The following RLBP1 variants were observed in gnomAD, a reference collection of about 807,000 sequenced individuals.
The protein encoded by RLBP1 is retinaldehyde-binding protein 1.
A neutral mutation model predicts 36.2 loss-of-function variants in RLBP1; 26 were observed. The ratio of observed to expected loss-of-function variants is 0.72; its 90% CI spans 0.53 to 1.00. RLBP1 has a LOEUF of 1.00. Ranked by LOEUF, RLBP1 falls within the 50% of genes least tolerant of loss-of-function variation. The pLI, the probability that RLBP1 is intolerant of heterozygous loss-of-function variation, is 0.00. For synonymous variants in RLBP1, 155 were observed against 156.2 expected, an observed-to-expected ratio of 0.99 and a Z score of 0.06; for missense variants, 410 against 402.4, an observed-to-expected ratio of 1.02 and a Z score of -0.16.
intron 4 of RLBP1, among the ~76,000 whole-genome samples, chr15:89,217,598 CCTG>C (rs1322940452): frequency 6.6e-6 from 1 of 152,250 alleles, no homozygotes; most frequent in Non-Finnish European, 1.5e-5. Flanking sequence ...TGCCTAGCAA[CCTG>C]CTAAGTCCTT....
In RLBP1 at chr15:89,218,148, A is replaced by C. The variant is rs1008929000; in HGVS notation, c.141+417T>G. ...TCCACCAACCGTCTTTCATAGATAC[A>C]GAAGGCAAGACCCAGAGATGGAAAG... On this transcript the variant is annotated intron_variant, in intron 4 of 8. Transcript: ENST00000268125. This position sits in a 1 kb window ranked among gnomAD's most constrained non-coding sequence, Gnocchi z 4.6. Among the ~76,000 whole-genome samples, 14 of 152,194 alleles carry C rather than the reference A, an allele frequency of 9.2e-5. No homozygotes were observed. The highest frequency in any genetic ancestry group is 3.4e-4 in the African/African-American group (14 of 41,444).
chr15:89,213,305 G>C (rs1424637676), intron 6 of RLBP1, among the ~76,000 whole-genome samples: 1 of 151,520 alleles, frequency 6.6e-6, no homozygotes, highest in Non-Finnish European at 1.5e-5. Flanking sequence ...GGCATAAGAA[G>C]TGGAAAGGGA....
At position 89,217,112 on chromosome 15, in the gene RLBP1, G is replaced by A; in HGVS notation, c.346+8C>T. On this transcript the variant is annotated splice_region_variant and intron_variant, in intron 5 of 8. Coordinates refer to ENST00000268125, the MANE Select transcript of RLBP1 (RefSeq NM_000326.5). ...TCCCAGGGCCGTCCCTCCAAGCACT[G>A]GCCTCACCTCTGAGCAGCTCATAGG... 6.3e-7 allele frequency: 1 copy of A among 1,576,868 alleles called. No individual in the cohort carries two copies. Among genetic ancestry groups the A allele is most frequent in the Non-Finnish European group, 8.7e-7 (1 of 1,148,804 alleles).
Position 89,221,516 on chromosome 15 carries a change from G to GC in RLBP1, c.-224+18dup, listed in dbSNP as rs1214084370. 1 of 152,202 alleles carries GC rather than the reference G, an allele frequency of 6.6e-6. No homozygotes were observed. Among genetic ancestry groups the GC allele is most frequent in the Non-Finnish European group, 1.5e-5 (1 of 68,060 alleles). 9.4% of individuals were successfully genotyped at this position (152,202 alleles called of 1,614,324 possible). A position where few individuals can be genotyped will look rare whatever the true frequency, so the allele number is the denominator to read the frequency against. On this transcript the variant is annotated intron_variant, in intron 1 of 8. Coordinates refer to ENST00000268125, the MANE Select transcript of RLBP1 (RefSeq NM_000326.5). ...GTCCTGGGCTCCCTGGCCCAGGCAA[G>GC]CCCCAGGTATTGACTTACCTGCCAG... is the stretch of plus-strand genomic sequence containing the variant.
chr15:89,213,701 A>G (rs535475021), intron 6 of RLBP1, among the ~76,000 whole-genome samples: 11 of 152,338 alleles, frequency 7.2e-5, no homozygotes, highest in African/African-American at 2.6e-4. Flanking sequence ...CTGAAAACTC[A>G]AAAGTAGGCT....
Position 89,211,803 on chromosome 15 carries a change from G to A in RLBP1, c.624C>T (p.Thr208=), listed in dbSNP as rs1319070912. ...TCCGGAGACTAGCAGCCTGCTGCAT[G>A]GTAAAGCCCTTGAAGTTCTCAATGA... ...FCIIENFKGF[T]MQQAASLRTS... is the part of the protein sequence containing the mutation. The change falls in exon 7 of 9, where the codon ACC becomes ACT. Residue 208 remains threonine (T), a synonymous_variant. Transcript: ENST00000268125. The surrounding 1 kb of genome is among the most constrained non-coding windows in gnomAD (Gnocchi z 5.8). 3 of 1,614,076 alleles carry A rather than the reference G, an allele frequency of 1.9e-6. No individual in the cohort carries two copies. The highest frequency in any genetic ancestry group is 1.7e-6 in the Non-Finnish European group (2 of 1,180,034).
In RLBP1 at chr15:89,210,496, G is replaced by A; in HGVS notation, c.796-53C>T. Reference sequence around the variant, plus strand: ...GAGCAGGAGGAGGTGCCCTAAGGATGAGGGTTGAGGGAGGAAAGGGGCAGG... The same window carrying A: ...GAGCAGGAGGAGGTGCCCTAAGGATAAGGGTTGAGGGAGGAAAGGGGCAGG... On this transcript the variant is annotated intron_variant, in intron 8 of 8. Transcript: ENST00000268125. This position sits in a 1 kb window ranked among gnomAD's most constrained non-coding sequence, Gnocchi z 4.7. 1 of 1,597,606 alleles carries A rather than the reference G, an allele frequency of 6.3e-7. No homozygotes were observed. The highest frequency in any genetic ancestry group is 8.6e-7 in the Non-Finnish European group (1 of 1,165,642).
In RLBP1 at chr15:89,216,323, TTC is replaced by T. The variant is rs1285673954; in HGVS notation, c.346+795_346+796del. 9.9e-4 allele frequency among the ~76,000 whole-genome samples: 150 copies of T among 150,808 alleles called. 1 individual carries two copies. Among genetic ancestry groups the T allele is most frequent in the Non-Finnish European group, 1.8e-3 (124 of 67,282 alleles). On this transcript the variant is annotated intron_variant, in intron 5 of 8. Transcript: ENST00000268125. Reference sequence around the variant, plus strand: ...TGAGGGAACCACCCCCTTTTTTTTTTTCTTTCTTTCTTTTTTGAGATAGAGTT... The same window carrying T: ...TGAGGGAACCACCCCCTTTTTTTTTTTTTCTTTCTTTTTTGAGATAGAGTT...
chr15:89,218,870 A>T lies in RLBP1; in HGVS notation c.12+94T>A. 7 of 1,531,780 alleles carry T rather than the reference A, an allele frequency of 4.6e-6. No homozygotes were observed. Among genetic ancestry groups the T allele is most frequent in the Non-Finnish European group, 6.3e-6 (7 of 1,111,590 alleles). 94.9% of individuals were successfully genotyped at this position (1,531,780 alleles called of 1,614,324 possible). A position where few individuals can be genotyped will look rare whatever the true frequency, so the allele number is the denominator to read the frequency against. ...AGTGTGTGCCTATATTCCCGGGCAG[A>T]GCATAAGATAGAGAAGTAAGGAGGG... On this transcript the variant is annotated intron_variant, in intron 3 of 8. Transcript: ENST00000268125. The surrounding 1 kb of genome is among the most constrained non-coding windows in gnomAD (Gnocchi z 4.6).
In RLBP1 at chr15:89,218,618, G is replaced by A. The variant is rs1362870883; in HGVS notation, c.88C>T (p.His30Tyr). ...AQLEQLTTKD[H>Y]GPVFGPCSQL... ...CTGCACGGGCCAAAGACAGGTCCAT[G>A]GTCCTTGGTTGTGAGCTGCTCCAGT... Residue 30 changes from histidine (H) to tyrosine (Y), a missense_variant, in exon 4 of 9, where the codon CAT becomes TAT. By Grantham distance (83) the His-to-Tyr change is moderately conservative. Coordinates refer to ENST00000268125, the MANE Select transcript of RLBP1 (RefSeq NM_000326.5). This position sits in a 1 kb window ranked among gnomAD's most constrained non-coding sequence, Gnocchi z 4.6. 6.2e-7 allele frequency: 1 copy of A among 1,614,228 alleles called. No individual in the cohort carries two copies. The highest frequency in any genetic ancestry group is 8.5e-7 in the Non-Finnish European group (1 of 1,180,034).
In RLBP1 at chr15:89,217,172, G is replaced by A; in HGVS notation, c.294C>T (p.Arg98=). Residue 98 remains arginine, a synonymous_variant, in exon 5 of 9, where the codon CGC becomes CGT. Transcript: ENST00000268125. ...VQEKDSGFFL[R]FIRARKFNVG... ...CGTTGAACTTCCGTGCGCGGATGAA[G>A]CGCAGGAAGAAGCCGCTGTCCTTCT... The A allele has an allele frequency of 6.2e-7, 1 of 1,614,096 alleles. No individual in the cohort carries two copies. The highest frequency in any genetic ancestry group is 8.5e-7 in the Non-Finnish European group (1 of 1,180,040).
chr15:89,220,343 A>C (rs2051616256), intron 1 of RLBP1, among the ~76,000 whole-genome samples: 1 of 152,228 alleles, frequency 6.6e-6, no homozygotes, highest in Non-Finnish European at 1.5e-5. Context: ...AACTGAGGAT[A>C]ATAACAGTAC....
rs369791115 is a variant in RLBP1 at position 89,216,313 on chromosome 15, CT to C, written c.346+806del. ...TTCGATTTCTTGAGGGAACCACCCCCTTTTTTTTTTTCTTTCTTTCTTTTTT... is the reference window on the plus strand; with the variant it reads ...TTCGATTTCTTGAGGGAACCACCCCCTTTTTTTTTTCTTTCTTTCTTTTTT... On this transcript the variant is annotated intron_variant, in intron 5 of 8. Transcript: ENST00000268125. 2.2e-3 allele frequency among the ~76,000 whole-genome samples: 319 copies of C among 146,392 alleles called. 2 individuals carry two copies. Among genetic ancestry groups the C allele is most frequent in the African/African-American group, 4.7e-3 (188 of 40,290 alleles).
In RLBP1 at chr15:89,214,509, A is replaced by T. The variant is rs1045657666; in HGVS notation, c.525+551T>A. Among the ~76,000 whole-genome samples the T allele has an allele frequency of 1.4e-4, 20 of 147,724 alleles. No individual in the cohort carries two copies. Among genetic ancestry groups the T allele is most frequent in the African/African-American group, 3.2e-4 (13 of 40,464 alleles). On this transcript the variant is annotated intron_variant, in intron 6 of 8. Coordinates refer to ENST00000268125, the MANE Select transcript of RLBP1 (RefSeq NM_000326.5). This position sits in a 1 kb window ranked among gnomAD's most constrained non-coding sequence, Gnocchi z 4.6. The stretch of plus-strand genomic sequence containing the variant: ...ATAAGTTTGTAGCAGTTTTTTTTTT[A>T]AATTAAAGGAATCTTTTTCAGGCTC...
chr15:89,210,648 G>C lies in RLBP1; in HGVS notation c.795+51C>G, dbSNP rs370900681. On this transcript the variant is annotated intron_variant, in intron 8 of 8. Coordinates refer to ENST00000268125, the MANE Select transcript of RLBP1 (RefSeq NM_000326.5). The surrounding 1 kb of genome is among the most constrained non-coding windows in gnomAD (Gnocchi z 4.7). ...AGAGTGTGAGGAGGGCTCAGGTGAG[G>C]CCCCACCCTCAGCCCTCTTGTCTCA... 2 of 1,387,920 alleles carry C rather than the reference G, an allele frequency of 1.4e-6. No homozygotes were observed. Among genetic ancestry groups the C allele is most frequent in the African/African-American group, 2.9e-5 (2 of 69,960 alleles). The allele number at this position is 1,387,920 out of a possible 1,614,324, so 86.0% of individuals were successfully genotyped here.
intron 6 of RLBP1, among the ~76,000 whole-genome samples, chr15:89,213,079 G>GA (rs1055012054): frequency 6.6e-6 from 1 of 152,162 alleles, no homozygotes; most frequent in African/African-American, 2.4e-5. Flanking sequence ...TACGTAATAA[G>GA]AAAAAACATA....
chr15:89,217,413 AC>A, intron 4 of RLBP1, 89 bp from the exon 5 acceptor site: 2 of 1,387,704 alleles, frequency 1.4e-6, no homozygotes, highest in Non-Finnish European at 2.0e-6. Flanking sequence ...CCAGAGCTAG[AC>A]CAGCCAAGGG....
rs1344210843 is a variant in RLBP1 at position 89,214,215 on chromosome 15, C to A, written c.525+845G>T. On this transcript the variant is annotated intron_variant, in intron 6 of 8. Transcript: ENST00000268125. The surrounding 1 kb of genome is among the most constrained non-coding windows in gnomAD (Gnocchi z 4.6). ...GTGTCTTATGCCTGTAATCCCAGCACTTTGGGAGGCCGAGGTGGGCGGATC... is the reference window on the plus strand; with the variant it reads ...GTGTCTTATGCCTGTAATCCCAGCAATTTGGGAGGCCGAGGTGGGCGGATC... 1.3e-5 allele frequency among the ~76,000 whole-genome samples: 2 copies of A among 152,118 alleles called. No homozygotes were observed. Among genetic ancestry groups the A allele is most frequent in the African/African-American group, 4.8e-5 (2 of 41,398 alleles).
intron 5 of RLBP1, among the ~76,000 whole-genome samples, chr15:89,215,988 C>G (rs2051576640): frequency 1.3e-5 from 2 of 152,224 alleles, no homozygotes; most frequent in African/African-American, 4.8e-5. Context: ...TTATCTAAAA[C>G]TTCAGCCCCT....
Sources: allele counts gnomAD v4.1 joint callset (sites outside exome capture counted in the v4.1 genomes callset), GRCh38; gene constraint gnomAD v4.1.1; non-coding constraint Gnocchi (gnomAD v3.1); transcripts MANE v1.5; gene names NCBI Gene and HGNC (gene_info 2026-07-23, HGNC 2026-07-21).